Variants in GALNT17 observed in about 807,000 individuals in gnomAD.
GALNT17 encodes the protein polypeptide N-acetylgalactosaminyltransferase 17.
Under a neutral mutation model 63.7 loss-of-function variants are expected in GALNT17, and 29 were observed. That is an observed-to-expected ratio of 0.46 (90% CI 0.34 to 0.62). The LOEUF (loss-of-function observed/expected upper bound fraction) is 0.62, where lower values mean the gene tolerates loss of function less well. Among genes scored for constraint, GALNT17 ranks in the 20% least tolerant of loss-of-function variants. GALNT17 has a pLI of 0.01. For missense variants in GALNT17, 603 were observed against 799.6 expected (o/e 0.75, Z 2.97); for synonymous variants, 305 against 318.3 (o/e 0.96, Z 0.45).
intron 9 of GALNT17, among the ~76,000 whole-genome samples, chr7:71,704,796 G>A (rs186790078): frequency 3.5e-4 from 53 of 152,080 alleles, no homozygotes; most frequent in African/African-American, 1.3e-3. Flanking sequence ...CAATGGTGCC[G>A]GGACACAGAT....
intron 6 of GALNT17, among the ~76,000 whole-genome samples, chr7:71,642,322 A>G (rs1168653163): frequency 1.3e-5 from 2 of 152,246 alleles, no homozygotes; most frequent in East Asian, 1.9e-4. Flanking sequence ...TAATGCATAA[A>G]TGAATATAGA....
intron 9 of GALNT17, chr7:71,685,808 C>G (rs1791344674): frequency 6.6e-6 from 1 of 152,006 alleles, no homozygotes; most frequent in African/African-American, 2.4e-5. Context: ...GATCATATGT[C>G]CCTATCTGCC....
chr7:71,650,950 T>C (rs546688543), intron 6 of GALNT17, among the ~76,000 whole-genome samples: 1 of 152,288 alleles, frequency 6.6e-6, no homozygotes, highest in Non-Finnish European at 1.5e-5. Flanking sequence ...AGCTTGGAGC[T>C]CTTAGTAAAC....
At chr7:71,229,987 G>A (rs115210398) in intron 1 of GALNT17, among the ~76,000 whole-genome samples, 2,302 of 152,280 alleles carry the variant, frequency 0.015, 71 homozygotes, top group African/African-American at 0.053. Context: ...CCCAGCACAG[G>A]CCTTGGAGAA....
intron 1 of GALNT17, among the ~76,000 whole-genome samples, chr7:71,287,464 G>C (rs1046913143): frequency 6.6e-6 from 1 of 151,746 alleles, no homozygotes. Flanking sequence ...CCTCCCTCTC[G>C]TCTCATAGCC....
At chr7:71,698,225 T>C (rs1791574899) in intron 9 of GALNT17, among the ~76,000 whole-genome samples, 1 of 151,702 alleles carries the variant, frequency 6.6e-6, no homozygotes, top group East Asian at 1.9e-4. Flanking sequence ...ATAAACTAAA[T>C]CTGACAGTGT....
intron 1 of GALNT17, among the ~76,000 whole-genome samples, chr7:71,267,096 C>T (rs777837207): frequency 6.6e-6 from 1 of 152,232 alleles, no homozygotes; most frequent in Non-Finnish European, 1.5e-5. Flanking sequence ...AACGTGCTTT[C>T]CAGTTAGCAC....
At chr7:71,526,943 C>T (rs187901746) in intron 5 of GALNT17, among the ~76,000 whole-genome samples, 2 of 152,326 alleles carry the variant, frequency 1.3e-5, no homozygotes, top group East Asian at 3.9e-4. Context: ...ACAGTCCATT[C>T]GTCTGCATCA....
At chr7:71,335,887 C>T (rs1791891847) in intron 2 of GALNT17, among the ~76,000 whole-genome samples, 154 bp downstream of exon 2, 1 of 152,040 alleles carries the variant, frequency 6.6e-6, no homozygotes, top group African/African-American at 2.4e-5. Flanking sequence ...ACTCCTGTTG[C>T]ATATGAAAGA....
chr7:71,259,626 G>GTTTTT (rs1230386882), intron 1 of GALNT17, among the ~76,000 whole-genome samples: 1 of 137,156 alleles, frequency 7.3e-6, no homozygotes, highest in African/African-American at 2.9e-5. Context: ...TCTTGGTCCT[G>GTTTTT]TTTTGTTTTT....
At chr7:71,210,046 C>T (rs1294526176) in intron 1 of GALNT17, among the ~76,000 whole-genome samples, 2 of 152,110 alleles carry the variant, frequency 1.3e-5, no homozygotes, top group Admixed American at 6.6e-5. Context: ...CCTCAGCCTC[C>T]TGAGTAGCTG....
chr7:71,335,784 T>A (rs1791890136), intron 2 of GALNT17, 51 bp downstream of exon 2: 2 of 1,407,360 alleles, frequency 1.4e-6, no homozygotes, highest in Admixed American at 5.1e-5. Context: ...TCAGAGTGGG[T>A]GTAGACCCCT....
At chr7:71,590,892 T>A (rs1373279896) in intron 6 of GALNT17, among the ~76,000 whole-genome samples, 1 of 151,570 alleles carries the variant, frequency 6.6e-6, no homozygotes, top group Non-Finnish European at 1.5e-5. Context: ...CAAGCACAAG[T>A]GGGATTACAG....
At chr7:71,555,901 G>A (rs1789156372) in intron 5 of GALNT17, among the ~76,000 whole-genome samples, 3 of 152,182 alleles carry the variant, frequency 2.0e-5, no homozygotes, top group South Asian at 4.1e-4. Flanking sequence ...TGAAATCCGG[G>A]CTTAGGGACT....
At chr7:71,186,207 T>G (rs965531118) in intron 1 of GALNT17, among the ~76,000 whole-genome samples, 10 of 152,228 alleles carry the variant, frequency 6.6e-5, no homozygotes, top group African/African-American at 2.2e-4. Context: ...GCTAATTTCC[T>G]TATATTATTT....
intron 5 of GALNT17, among the ~76,000 whole-genome samples, chr7:71,423,365 G>A (rs1786701179): frequency 6.6e-6 from 1 of 152,108 alleles, no homozygotes; most frequent in African/African-American, 2.4e-5. Context: ...AAAGGGCTTG[G>A]TTGAAAACCC....
At chr7:71,333,418 A>G (rs1325793198) in intron 1 of GALNT17, among the ~76,000 whole-genome samples, 2 of 152,224 alleles carry the variant, frequency 1.3e-5, no homozygotes, top group East Asian at 1.9e-4. Context: ...CATTTAGCTA[A>G]TAAGAATAAT....
intron 1 of GALNT17, among the ~76,000 whole-genome samples, chr7:71,225,890 G>A (rs954121318): frequency 3.9e-5 from 6 of 152,056 alleles, no homozygotes; most frequent in Admixed American, 2.6e-4. Flanking sequence ...TATGCTTATG[G>A]TACACTATTA....
At chr7:71,208,727 C>T (rs1315030251) in intron 1 of GALNT17, among the ~76,000 whole-genome samples, 1 of 152,080 alleles carries the variant, frequency 6.6e-6, no homozygotes, top group Non-Finnish European at 1.5e-5. Context: ...GCTGGGACTA[C>T]AGGCGAGAGC....
Sources: gnomAD v4.1 joint callset for allele counts (sites outside exome capture counted in the v4.1 genomes callset) on GRCh38, gnomAD v4.1.1 for gene constraint, MANE v1.5 for transcripts, NCBI Gene and HGNC (gene_info 2026-07-23, HGNC 2026-07-21) for gene names.